SPIDR: variants seen among roughly 807,000 people sequenced by gnomAD.
SPIDR encodes the protein scaffold protein involved in DNA repair.
SPIDR carries 93 observed loss-of-function variants against 104.6 expected under a neutral mutation model. The ratio of observed to expected loss-of-function variants is 0.89; its 90% CI spans 0.75 to 1.06. The LOEUF is 1.06. SPIDR is among the 50% of genes least tolerant of loss of function. The probability of loss-of-function intolerance (pLI) is 0.00; values close to 1 mark genes in which losing one functional copy is unlikely to be tolerated. For synonymous variants in SPIDR, 431 were observed against 416.9 expected, an observed-to-expected ratio of 1.03 and a Z score of -0.41; for missense variants, 1,154 against 1,111.2, an observed-to-expected ratio of 1.04 and a Z score of -0.55.
At chr8:47,507,897 G>A (rs144387039) in intron 8 of SPIDR, among the ~76,000 whole-genome samples, 3 of 152,248 alleles carry the variant, frequency 2.0e-5, no homozygotes, top group Non-Finnish European at 4.4e-5. Flanking sequence ...TTTTGACTTC[G>A]AGTATCCCAG....
intron 7 of SPIDR, among the ~76,000 whole-genome samples, chr8:47,437,505 T>C (rs1381977419): frequency 6.6e-6 from 1 of 152,096 alleles, no homozygotes; most frequent in African/African-American, 2.4e-5. Context: ...GTTGGACATT[T>C]GGGTTGGTTC....
chr8:47,372,620 C>T (rs933019132), intron 5 of SPIDR, among the ~76,000 whole-genome samples: 13 of 151,686 alleles, frequency 8.6e-5, no homozygotes, highest in East Asian at 3.9e-4. Flanking sequence ...AGCGAGACTC[C>T]GTCTCAAAAA....
chr8:47,548,316 G>A (rs1403802324), intron 8 of SPIDR, among the ~76,000 whole-genome samples: 6 of 152,178 alleles, frequency 3.9e-5, no homozygotes, highest in African/African-American at 7.2e-5. Context: ...ACAAAGAAGG[G>A]AAGAAAATAG....
intron 5 of SPIDR, among the ~76,000 whole-genome samples, chr8:47,369,025 G>A (rs1333999842): frequency 2.0e-5 from 3 of 152,168 alleles, no homozygotes; most frequent in Non-Finnish European, 2.9e-5. Context: ...ACGTGAGAAC[G>A]AACAAACTTT....
At chr8:47,408,984 G>A (rs192040131) in intron 7 of SPIDR, among the ~76,000 whole-genome samples, 2 of 152,036 alleles carry the variant, frequency 1.3e-5, no homozygotes, top group Non-Finnish European at 2.9e-5. Context: ...TCAAGAGATC[G>A]AGACCATCCT....
chr8:47,495,370 G>C (rs747982155), intron 8 of SPIDR, among the ~76,000 whole-genome samples: 10 of 149,402 alleles, frequency 6.7e-5, no homozygotes, highest in Non-Finnish European at 1.3e-4. Context: ...TATGAGAGCT[G>C]CTTTACCCCC....
chr8:47,503,230 A>T (rs898658227), intron 8 of SPIDR, among the ~76,000 whole-genome samples: 2 of 152,152 alleles, frequency 1.3e-5, no homozygotes, highest in African/African-American at 4.8e-5. Flanking sequence ...TAATGTTGAC[A>T]GTGGGGTGTT....
At chr8:47,511,816 G>A (rs914676055) in intron 8 of SPIDR, 3 of 994,050 alleles carry the variant, frequency 3.0e-6, no homozygotes, top group Admixed American at 1.7e-5. Flanking sequence ...TTTCTTTCTG[G>A]GAGGGCCAAC....
chr8:47,712,624 G>A (rs1405860057), intron 14 of SPIDR, 38 bp from the exon 15 acceptor site: 6 of 1,574,902 alleles, frequency 3.8e-6, no homozygotes, highest in Admixed American at 1.8e-5. Context: ...ACATTTTTTG[G>A]TATAATAATT....
At chr8:47,553,058 ATTCTT>A (rs1273161672) in intron 8 of SPIDR, among the ~76,000 whole-genome samples, 1 of 152,158 alleles carries the variant, frequency 6.6e-6, no homozygotes, top group African/African-American at 2.4e-5. Context: ...TGGGTTGAAA[ATTCTT>A]TTCTTTAAGA....
intron 8 of SPIDR, among the ~76,000 whole-genome samples, chr8:47,499,862 A>T (rs2080089424): frequency 6.6e-6 from 1 of 151,396 alleles, no homozygotes; most frequent in African/African-American, 2.4e-5. Context: ...CTCATTGTTC[A>T]GTTCTCACCT....
At chr8:47,699,607 T>C (rs2725281) in intron 11 of SPIDR, among the ~76,000 whole-genome samples, 5,307 of 152,280 alleles carry the variant, frequency 0.035, 110 homozygotes, top group Non-Finnish European at 0.051. Flanking sequence ...CCAGCTGGAC[T>C]GCAATGATGT....
At chr8:47,523,063 C>A (rs191921857) in intron 8 of SPIDR, among the ~76,000 whole-genome samples, 115 of 152,118 alleles carry the variant, frequency 7.6e-4, no homozygotes, top group African/African-American at 2.7e-3. Context: ...TACAGTGTCA[C>A]AATCTCAGCT....
chr8:47,603,780 C>T (rs2062603066), intron 10 of SPIDR, among the ~76,000 whole-genome samples: 1 of 152,172 alleles, frequency 6.6e-6, no homozygotes, highest in Non-Finnish European at 1.5e-5. Flanking sequence ...GAGAGTTAGT[C>T]CTTTGCAAGA....
intron 11 of SPIDR, among the ~76,000 whole-genome samples, chr8:47,686,654 A>T (rs188930379): frequency 6.6e-6 from 1 of 152,172 alleles, no homozygotes; most frequent in Non-Finnish European, 1.5e-5. Context: ...CCAAATTCCA[A>T]AGTCTGATTT....
intron 5 of SPIDR, among the ~76,000 whole-genome samples, chr8:47,339,605 G>C (rs61519381): frequency 0.023 from 3,462 of 151,490 alleles, 140 homozygotes; most frequent in African/African-American, 0.08. Context: ...GAGTGAAAAG[G>C]AAAACTCACT....
chr8:47,525,526 C>T (rs1433939849), intron 8 of SPIDR, among the ~76,000 whole-genome samples: 1 of 53,684 alleles, frequency 1.9e-5, no homozygotes, highest in Non-Finnish European at 9.1e-5. Flanking sequence ...CACAGCTGGG[C>T]GCGGTGGCTC....
intron 5 of SPIDR, among the ~76,000 whole-genome samples, chr8:47,313,244 A>G (rs2044576005): frequency 6.6e-6 from 1 of 152,208 alleles, no homozygotes; most frequent in South Asian, 2.1e-4. Flanking sequence ...TGCAAAAATC[A>G]CAAGCATTCT....
At chr8:47,302,256 A>G (rs1171575067) in intron 5 of SPIDR, among the ~76,000 whole-genome samples, 1 of 151,968 alleles carries the variant, frequency 6.6e-6, no homozygotes, top group East Asian at 1.9e-4. Flanking sequence ...AGGCTTGTGC[A>G]TTCGTCACGT....
Sources: gnomAD v4.1 joint callset for allele counts (sites outside exome capture counted in the v4.1 genomes callset) on GRCh38, gnomAD v4.1.1 for gene constraint, MANE v1.5 for transcripts, NCBI Gene and HGNC (gene_info 2026-07-23, HGNC 2026-07-21) for gene names.